PGC: variants seen among roughly 807,000 people sequenced by gnomAD.
PGC encodes gastricsin.
A neutral mutation model predicts 45.9 loss-of-function variants in PGC; 31 were observed. The observed-to-expected ratio is 0.67, with a 90% CI of 0.51 to 0.91. The LOEUF is 0.91. Ranked by LOEUF, PGC falls within the 40% of genes least tolerant of loss-of-function variation. PGC has a pLI of 0.00. For missense variants in PGC, 477 were observed against 493.2 expected (o/e 0.97, Z 0.31); for synonymous variants, 192 against 201.8 (o/e 0.95, Z 0.41).
chr6:41,746,282 G>A (rs1255549515), intron 1 of PGC, among the ~76,000 whole-genome samples: 4 of 152,240 alleles, frequency 2.6e-5, no homozygotes, highest in Admixed American at 2.6e-4. Flanking sequence ...AACGGCAACA[G>A]CACTAGCTGG....
intron 7 of PGC, 24 bp downstream of exon 7, chr6:41,739,773 AAG>A: frequency 6.3e-7 from 1 of 1,591,572 alleles, no homozygotes; most frequent in Non-Finnish European, 8.6e-7. Context: ...CCTCCTGGGG[AAG>A]AGAGACACCC....
intron 5 of PGC, chr6:41,741,039 T>G: frequency 6.5e-7 from 1 of 1,536,922 alleles, no homozygotes; most frequent in Non-Finnish European, 8.7e-7. Flanking sequence ...CAGCCCACAC[T>G]CTGCTCTCCT....
chr6:41,744,074 G>T lies in PGC; in HGVS notation c.328+323C>A, dbSNP rs1344141049. On this transcript the variant is annotated intron_variant, in intron 3 of 8. Coordinates refer to ENST00000373025, the MANE Select transcript of PGC (RefSeq NM_002630.4). The surrounding 1 kb of genome is among the most constrained non-coding windows in gnomAD (Gnocchi z 4.4). Reference sequence around the variant, plus strand: ...GAGTGGGATGGAGTGGGATGGAATGGACTGGAAATTAGTCACATGGAATGG... The same window carrying T: ...GAGTGGGATGGAGTGGGATGGAATGTACTGGAAATTAGTCACATGGAATGG... Among the ~76,000 whole-genome samples, 1 of 152,192 alleles carries T rather than the reference G, an allele frequency of 6.6e-6. No individual in the cohort carries two copies. Among genetic ancestry groups the T allele is most frequent in the Admixed American group, 6.5e-5 (1 of 15,278 alleles).
intron 5 of PGC, chr6:41,741,939 G>T: frequency 1.1e-6 from 1 of 946,564 alleles, no homozygotes; most frequent in Non-Finnish European, 1.6e-6. Context: ...TGAGCGAACT[G>T]CCCCACCCGC....
chr6:41,737,965 C>A (rs1359580086), intron 7 of PGC, 137 bp from the exon 8 acceptor site: 1 of 598,240 alleles, frequency 1.7e-6, no homozygotes, highest in Non-Finnish European at 3.0e-6. Context: ...GAGAATGCAG[C>A]TCCAAGGGAA....
chr6:41,743,408 A>C lies in PGC; in HGVS notation c.329-19T>G, dbSNP rs1011084743. 5.3e-6 allele frequency: 8 copies of C among 1,509,918 alleles called. No individual in the cohort carries two copies. Among genetic ancestry groups the C allele is most frequent in the Non-Finnish European group, 6.4e-6 (7 of 1,085,304 alleles). 93.5% of individuals were successfully genotyped at this position (1,509,918 alleles called of 1,614,324 possible). Reference sequence around the variant, plus strand: ...TGACTGGCTGCAGGGGAGTCAGGGCATGGGGAGTCAGGCCGGCTGGGGCAG... The same window carrying C: ...TGACTGGCTGCAGGGGAGTCAGGGCCTGGGGAGTCAGGCCGGCTGGGGCAG... On this transcript the variant is annotated intron_variant, in intron 3 of 8. Coordinates refer to ENST00000373025, the MANE Select transcript of PGC (RefSeq NM_002630.4).
Position 41,741,325 on chromosome 6 carries a change from T to C in PGC, c.648-715A>G, listed in dbSNP as rs547936725. On this transcript the variant is annotated intron_variant, in intron 5 of 8. Coordinates refer to ENST00000373025, the MANE Select transcript of PGC (RefSeq NM_002630.4). ...TTGAACTTCAGATTCCCCAGATTAG[T>C]CCAATGAAGCTAACTGTCTCTAGAA... The C allele has an allele frequency of 3.6e-6, 4 of 1,111,480 alleles. No homozygotes were observed. The South Asian group carries it at 5.2e-5, about 15-fold the overall frequency. The allele number at this position is 1,111,480 out of a possible 1,614,324, so 68.9% of individuals were successfully genotyped here.
intron 8 of PGC, among the ~76,000 whole-genome samples, chr6:41,737,475 T>G (rs1357449235): frequency 6.6e-6 from 1 of 152,260 alleles, no homozygotes; most frequent in East Asian, 1.9e-4. Context: ...CACAGTGGTC[T>G]GCCCTAGTAA....
chr6:41,739,798 C>G lies in PGC; in HGVS notation c.915+1G>C. The stretch of plus-strand genomic sequence containing the variant: ...AAGAGAGACACCCTCACCAGTCACA[C>G]CTGTCCATACTCATCCTCCTGGGCC... On this transcript the variant is annotated splice_donor_variant, in intron 7 of 8. Coordinates refer to ENST00000373025, the MANE Select transcript of PGC (RefSeq NM_002630.4). LOFTEE classifies it high-confidence loss of function. 6.2e-7 allele frequency: 1 copy of G among 1,611,560 alleles called. No homozygotes were observed. The highest frequency in any genetic ancestry group is 8.5e-7 in the Non-Finnish European group (1 of 1,178,704).
In PGC at chr6:41,736,865, G is replaced by A. The variant is rs763993909; in HGVS notation, c.1154C>T (p.Ala385Val). 7 of 1,614,114 alleles carry A rather than the reference G, an allele frequency of 4.3e-6. No homozygotes were observed. Among genetic ancestry groups the A allele is most frequent in the Non-Finnish European group, 5.1e-6 (6 of 1,179,998 alleles). The part of the protein sequence containing the change: ...YDLGNNRVGF[A>V]TAA ...GAGGCAGCAAGTCTAGGCGGCAGTG[G>A]CAAAGCCTACTCTGTTGTTGCCCAA... The change falls in exon 9 of 9, where the codon GCC becomes GTC. Residue 385 changes from alanine (A) to valine (V), a missense_variant. Coordinates refer to ENST00000373025, the MANE Select transcript of PGC (RefSeq NM_002630.4).
intron 7 of PGC, among the ~76,000 whole-genome samples, chr6:41,738,169 T>TATATATAC (rs1771734268): frequency 1.3e-4 from 5 of 38,058 alleles, no homozygotes; most frequent in South Asian, 7.5e-4. Context: ...TATATATGCA[T>TATATATAC]ATATATATAC....
At chr6:41,737,284 G>C (rs1408437393) in intron 8 of PGC, among the ~76,000 whole-genome samples, 1 of 152,226 alleles carries the variant, frequency 6.6e-6, no homozygotes, top group Non-Finnish European at 1.5e-5. Flanking sequence ...ATTTGGAGCA[G>C]ATCAGCCTGG....
At position 41,738,201 on chromosome 6, in the gene PGC, TGC is replaced by T. The variant is rs1212382932; in HGVS notation, c.916-375_916-374del. On this transcript the variant is annotated intron_variant, in intron 7 of 8. Transcript: ENST00000373025. The stretch of plus-strand genomic sequence containing the variant: ...ATACATATATATATGCATATATATA[TGC>T]ATATATATATGCATATATATATGCA... 4.5e-3 allele frequency among the ~76,000 whole-genome samples: 70 copies of T among 15,536 alleles called. 1 individual carries two copies. Among genetic ancestry groups the T allele is most frequent in the South Asian group, 0.015 (6 of 410 alleles). The allele number at this position is 15,536 out of a possible 152,430, so 10.2% of individuals were successfully genotyped here.
At chr6:41,738,196 A>T (rs1325177540) in intron 7 of PGC, among the ~76,000 whole-genome samples, 1 of 63,484 alleles carries the variant, frequency 1.6e-5, no homozygotes, top group African/African-American at 4.5e-5. Flanking sequence ...ATATGCATAT[A>T]TATATGCATA....
chr6:41,741,240 A>AGAG, intron 5 of PGC: 1 of 1,465,566 alleles, frequency 6.8e-7, no homozygotes, highest in Non-Finnish European at 9.0e-7. Context: ...GTTTACACGC[A>AGAG]GAGGAATCAT....
chr6:41,739,950 T>C lies in PGC; in HGVS notation c.768-4A>G. ...GGCCTGGCCGCCGATGAGGAACCTG[T>C]ATGGGGAGAAGACAGGCAGCCTCAG... On this transcript the variant is annotated splice_polypyrimidine_tract_variant and splice_region_variant and intron_variant, in intron 6 of 8. Transcript: ENST00000373025. 1 of 1,613,368 alleles carries C rather than the reference T, an allele frequency of 6.2e-7. No homozygotes were observed.
intron 8 of PGC, 110 bp downstream of exon 8, chr6:41,737,620 A>G: frequency 1.5e-6 from 1 of 670,634 alleles, no homozygotes; most frequent in Non-Finnish European, 2.7e-6. Flanking sequence ...AATGAGTACA[A>G]GCGTGGAGTC....
intron 5 of PGC, among the ~76,000 whole-genome samples, 181 bp downstream of exon 5, chr6:41,742,109 G>A (rs139115850): frequency 0.013 from 1,947 of 152,282 alleles, 22 homozygotes; most frequent in Middle Eastern, 0.02. Flanking sequence ...GGGTGTGGTC[G>A]GGTGGCTGGG....
chr6:41,741,722 G>C, intron 5 of PGC: 1 of 991,738 alleles, frequency 1.0e-6, no homozygotes, highest in Non-Finnish European at 1.5e-6. Context: ...CAGGCCCCAG[G>C]CCGCTCACCC....
Sources: allele counts gnomAD v4.1 joint callset (sites outside exome capture counted in the v4.1 genomes callset), GRCh38; gene constraint gnomAD v4.1.1; non-coding constraint Gnocchi (gnomAD v3.1); transcripts MANE v1.5; gene names NCBI Gene and HGNC (gene_info 2026-07-23, HGNC 2026-07-21).